The following RAB31 variants were observed in gnomAD, a reference collection of about 807,000 sequenced individuals.
RAB31 encodes the protein ras-related protein Rab-31.
RAB31 carries 21 observed loss-of-function variants against 25.6 expected under a neutral mutation model. The ratio of observed to expected loss-of-function variants is 0.82; its 90% CI spans 0.58 to 1.18. The LOEUF (loss-of-function observed/expected upper bound fraction) is 1.18, where lower values mean the gene tolerates loss of function less well. Ranked by LOEUF, RAB31 falls within the 50% of genes most tolerant of loss-of-function variation. The pLI is 0.00. For synonymous variants in RAB31, 87 were observed against 84.0 expected (o/e 1.04, Z -0.20); for missense variants, 196 against 250.1 (o/e 0.78, Z 1.46).
At chr18:9,803,300 A>G (rs2068523443) in intron 3 of RAB31, among the ~76,000 whole-genome samples, 1 of 150,134 alleles carries the variant, frequency 6.7e-6, no homozygotes, top group Non-Finnish European at 1.5e-5. Context: ...CAGTGGTGCA[A>G]TCATAGCTCA....
intron 1 of RAB31, among the ~76,000 whole-genome samples, chr18:9,727,071 G>A (rs577252221): frequency 6.6e-6 from 1 of 152,260 alleles, no homozygotes; most frequent in Non-Finnish European, 1.5e-5. Flanking sequence ...AGGACCAAAG[G>A]GCTGGGGCAG....
At position 9,822,232 on chromosome 18, in the gene RAB31, T is replaced by G. The variant is rs184443130; in HGVS notation, c.380+7010T>G. 4.2e-4 allele frequency among the ~76,000 whole-genome samples: 64 copies of G among 152,260 alleles called. No individual in the cohort carries two copies. In the East Asian group the frequency reaches 0.011, roughly 26 times the overall value. On this transcript the variant is annotated intron_variant, in intron 5 of 6. Transcript: ENST00000578921. Reference sequence around the variant, plus strand: ...AGAAGAAGCAATTCAACCAATGACCTTTTCAACAAATAGAGTAATCGGACA... The same window carrying G: ...AGAAGAAGCAATTCAACCAATGACCGTTTCAACAAATAGAGTAATCGGACA...
chr18:9,766,908 T>C lies in RAB31; in HGVS notation c.40-8370T>C, dbSNP rs996323230. 3.3e-5 allele frequency among the ~76,000 whole-genome samples: 5 copies of C among 152,030 alleles called. No homozygotes were observed. The highest frequency in any genetic ancestry group is 2.1e-4 in the South Asian group (1 of 4,828). On this transcript the variant is annotated intron_variant, in intron 1 of 6. Transcript: ENST00000578921. The surrounding 1 kb of genome is among the most constrained non-coding windows in gnomAD (Gnocchi z 4.3). ...GAAGGAGTAGGTTGCAGTGAGCCGATGTTGTGCCACTGTAATCCAGCCTGG... is the reference window on the plus strand; with the variant it reads ...GAAGGAGTAGGTTGCAGTGAGCCGACGTTGTGCCACTGTAATCCAGCCTGG...
In RAB31 at chr18:9,708,943, C is replaced by CCT. The variant is rs2068001491; in HGVS notation, c.39+500_39+501dup. ...CAAGTCGCTGAGTGCTCTTTTGCCT[C>CCT]CTGGGGGCAATTGATTTACTCACGT... On this transcript the variant is annotated intron_variant, in intron 1 of 6. Coordinates refer to ENST00000578921, the MANE Select transcript of RAB31 (RefSeq NM_006868.4). This position sits in a 1 kb window ranked among gnomAD's most constrained non-coding sequence, Gnocchi z 6.4. Among the ~76,000 whole-genome samples, 1 of 152,202 alleles carries CCT rather than the reference C, an allele frequency of 6.6e-6. No homozygotes were observed. The highest frequency in any genetic ancestry group is 6.5e-5 in the Admixed American group (1 of 15,286).
chr18:9,768,578 T>C (rs2068328376), intron 1 of RAB31, among the ~76,000 whole-genome samples: 1 of 152,196 alleles, frequency 6.6e-6, no homozygotes, highest in Admixed American at 6.5e-5. Context: ...TTAAGTTCTT[T>C]GTAGATTCTG....
intron 1 of RAB31, among the ~76,000 whole-genome samples, chr18:9,774,065 A>G (rs1051974447): frequency 2.0e-5 from 3 of 152,132 alleles, no homozygotes; most frequent in African/African-American, 7.2e-5. Flanking sequence ...TATAAATGTC[A>G]GGTATTTCTT....
At position 9,734,464 on chromosome 18, in the gene RAB31, G is replaced by T. The variant is rs532475413; in HGVS notation, c.39+26020G>T. On this transcript the variant is annotated intron_variant, in intron 1 of 6. Coordinates refer to ENST00000578921, the MANE Select transcript of RAB31 (RefSeq NM_006868.4). ...GAGGAGAACATGGGCAAAACCTTGC[G>T]AGTTTAAGTTGTGAGTGAGCTAAGG... 1.1e-4 allele frequency among the ~76,000 whole-genome samples: 16 copies of T among 152,278 alleles called. No homozygotes were observed. The South Asian group carries it at 2.5e-3, about 24-fold the overall frequency.
At position 9,861,454 on chromosome 18, in the gene RAB31, T is replaced by C. The variant is rs2068847110; in HGVS notation, c.*2129T>C. On this transcript the variant is annotated 3_prime_UTR_variant, in exon 7 of 7. Coordinates refer to ENST00000578921, the MANE Select transcript of RAB31 (RefSeq NM_006868.4). Reference sequence around the variant, plus strand: ...TATTCAAGCCAGTCAGAGGATAATATATATATTCTCATCAGCACTCAGAGT... The same window carrying C: ...TATTCAAGCCAGTCAGAGGATAATACATATATTCTCATCAGCACTCAGAGT... 6.6e-6 allele frequency: 1 copy of C among 152,160 alleles called. No homozygotes were observed. The highest frequency in any genetic ancestry group is 2.1e-4 in the South Asian group (1 of 4,824). 9.4% of individuals were successfully genotyped at this position (152,160 alleles called of 1,614,324 possible). A position where few individuals can be genotyped will look rare whatever the true frequency, so the allele number is the denominator to read the frequency against.
At chr18:9,765,775 C>A (rs1462023610) in intron 1 of RAB31, among the ~76,000 whole-genome samples, 1 of 152,128 alleles carries the variant, frequency 6.6e-6, no homozygotes, top group Non-Finnish European at 1.5e-5. Context: ...CTGGAGCTCT[C>A]CCGGGAGTTC....
chr18:9,836,652 C>T (rs1434015969), intron 5 of RAB31, among the ~76,000 whole-genome samples: 1 of 152,196 alleles, frequency 6.6e-6, no homozygotes, highest in Non-Finnish European at 1.5e-5. Context: ...CATTCCGATT[C>T]TGTAGGTCTG....
intron 1 of RAB31, among the ~76,000 whole-genome samples, chr18:9,734,497 G>A (rs1301109606): frequency 1.3e-5 from 2 of 152,184 alleles, no homozygotes; most frequent in Non-Finnish European, 2.9e-5. Context: ...AGGGTGAGCC[G>A]AGAGGATGAC....
At chr18:9,798,967 C>G (rs2068500545) in intron 3 of RAB31, among the ~76,000 whole-genome samples, 1 of 152,044 alleles carries the variant, frequency 6.6e-6, no homozygotes, top group South Asian at 2.1e-4. Context: ...ACTTGTAGTC[C>G]CAGTTACTTG....
chr18:9,717,116 G>A lies in RAB31; in HGVS notation c.39+8672G>A, dbSNP rs917519552. 3.3e-5 allele frequency among the ~76,000 whole-genome samples: 5 copies of A among 151,916 alleles called. No individual in the cohort carries two copies. In the South Asian group the frequency reaches 6.2e-4, roughly 19 times the overall value. ...GTTTTTTGAGACAGGGTCTTACTCT[G>A]TCATCCAGGCTGGAGTGCAATGGTG... On this transcript the variant is annotated intron_variant, in intron 1 of 6. Coordinates refer to ENST00000578921, the MANE Select transcript of RAB31 (RefSeq NM_006868.4).
chr18:9,772,928 C>T (rs1463174033), intron 1 of RAB31, among the ~76,000 whole-genome samples: 2 of 152,028 alleles, frequency 1.3e-5, no homozygotes, highest in African/African-American at 2.4e-5. Flanking sequence ...TGGGGGACTG[C>T]GAGGGAACAT....
chr18:9,856,982 A>T (rs2068819368), intron 6 of RAB31, among the ~76,000 whole-genome samples: 1 of 152,058 alleles, frequency 6.6e-6, no homozygotes, highest in South Asian at 2.1e-4. Flanking sequence ...ACTCCCTTTT[A>T]ATTGTGATAA....
At chr18:9,804,572 C>T (rs1294583055) in intron 3 of RAB31, among the ~76,000 whole-genome samples, 2 of 152,206 alleles carry the variant, frequency 1.3e-5, no homozygotes, top group African/African-American at 2.4e-5. Flanking sequence ...CTGTCCTCTT[C>T]TTTTCTTTTA....
chr18:9,841,756 GGAAACA>G (rs2068735745), intron 5 of RAB31, among the ~76,000 whole-genome samples: 1 of 152,172 alleles, frequency 6.6e-6, no homozygotes, highest in African/African-American at 2.4e-5. Flanking sequence ...GGAGGGACGG[GGAAACA>G]GAACGATGGA....
intron 2 of RAB31, chr18:9,786,765 G>C (rs998575790): frequency 1.3e-5 from 2 of 152,176 alleles, no homozygotes; most frequent in African/African-American, 4.8e-5. Context: ...TCCTTCTCTC[G>C]GAGGGATATC....
intron 1 of RAB31, among the ~76,000 whole-genome samples, chr18:9,769,890 T>C (rs1025525728): frequency 2.0e-5 from 3 of 152,254 alleles, no homozygotes; most frequent in African/African-American, 7.2e-5. Flanking sequence ...GTTTTTAGCA[T>C]GAAGTCGTGT....
Sources: gnomAD v4.1 joint callset for allele counts (sites outside exome capture counted in the v4.1 genomes callset) on GRCh38, gnomAD v4.1.1 for gene constraint, Gnocchi (gnomAD v3.1) non-coding constraint, MANE v1.5 for transcripts, NCBI Gene and HGNC (gene_info 2026-07-23, HGNC 2026-07-21) for gene names.